The following RAPGEFL1 variants were observed in gnomAD, a reference collection of about 807,000 sequenced individuals.
The protein encoded by RAPGEFL1 is Rap guanine nucleotide exchange factor like 1, also known as rap guanine nucleotide exchange factor-like 1.
RAPGEFL1 carries 31 observed loss-of-function variants against 64.4 expected under a neutral mutation model. The ratio of observed to expected loss-of-function variants is 0.48; its 90% CI spans 0.36 to 0.65. RAPGEFL1 has a LOEUF of 0.65. RAPGEFL1 is among the 30% of genes least tolerant of loss of function. RAPGEFL1 has a pLI of 0.00. For synonymous variants in RAPGEFL1, 331 were observed against 274.1 expected, an observed-to-expected ratio of 1.21 and a Z score of -2.05; for missense variants, 682 against 677.4, an observed-to-expected ratio of 1.01 and a Z score of -0.08.
chr17:40,192,587 C>T lies in RAPGEFL1; in HGVS notation c.1657-19C>T. ...CATTGGCCAGTCTGTCCCTTGATCT[C>T]TCTCCTGTGGAATACTAGGACCCCT... On this transcript the variant is annotated intron_variant, in intron 11 of 14. Coordinates refer to ENST00000620260, the MANE Select transcript of RAPGEFL1 (RefSeq NM_016339.6). 6.3e-7 allele frequency: 1 copy of T among 1,598,804 alleles called. No individual in the cohort carries two copies. The highest frequency in any genetic ancestry group is 8.6e-7 in the Non-Finnish European group (1 of 1,167,460).
rs952077126 is a variant in RAPGEFL1, at chr17:40,193,105, C to A, written c.1809+115C>A. ...TCCTCCAAGTGCCCAGCTTGCCTAA[C>A]AGACTCTTGACTGTCTCCCTGGTGG... On this transcript the variant is annotated intron_variant, in intron 13 of 14. Coordinates refer to ENST00000620260, the MANE Select transcript of RAPGEFL1 (RefSeq NM_016339.6). 56 of 1,095,420 alleles carry A rather than the reference C, an allele frequency of 5.1e-5. No individual in the cohort carries two copies. The African/African-American group carries it at 8.4e-4, about 16-fold the overall frequency. 67.9% of individuals were successfully genotyped at this position (1,095,420 alleles called of 1,614,324 possible). A position where few individuals can be genotyped will look rare whatever the true frequency, so the allele number is the denominator to read the frequency against.
chr17:40,177,372 CGA>C, upstream of RAPGEFL1: 13 of 676,740 alleles, frequency 1.9e-5, no homozygotes, highest in South Asian at 1.9e-4. Flanking sequence ...CCCCAGCGCG[CGA>C]GTTCAAGCCT....
rs1424666640 is a variant in RAPGEFL1 at position 40,191,524 on chromosome 17, C to T, written c.1514+30C>T. The T allele has an allele frequency of 3.2e-6, 5 of 1,566,786 alleles. No individual in the cohort carries two copies. Among genetic ancestry groups the T allele is most frequent in the Non-Finnish European group, 4.3e-6 (5 of 1,159,146 alleles). ...GTGCGGCCGTCGGCGGGATGGGGGG[C>T]CGGAGGCCGGAGGCCCGCGCCGCCG... On this transcript the variant is annotated intron_variant, in intron 9 of 14. Coordinates refer to ENST00000620260, the MANE Select transcript of RAPGEFL1 (RefSeq NM_016339.6). The surrounding 1 kb of genome is among the most constrained non-coding windows in gnomAD (Gnocchi z 5.1).
rs1989744164 is a variant in RAPGEFL1, at chr17:40,177,487, G to T, written c.-375G>T. The T allele has an allele frequency of 1.6e-6, 1 of 616,104 alleles. No individual in the cohort carries two copies. Among genetic ancestry groups the T allele is most frequent in the Non-Finnish European group, 2.9e-6 (1 of 346,552 alleles). The allele number at this position is 616,104 out of a possible 1,614,324, so 38.2% of individuals were successfully genotyped here. A position where few individuals can be genotyped will look rare whatever the true frequency, so the allele number is the denominator to read the frequency against. ...TTCTGCCACCTTCCCCCTCTTCACG[G>T]CCAGGAGCGCAGCCGCCGCCGCCGC... On this transcript the variant is annotated 5_prime_UTR_variant, in exon 1 of 15. Transcript: ENST00000620260.
upstream of RAPGEFL1, chr17:40,177,099 G>A (rs772190995): frequency 5.1e-5 from 36 of 702,568 alleles, 2 homozygotes; most frequent in South Asian, 5.3e-4. Flanking sequence ...TCTCACAGAA[G>A]GAAGATAAAC....
intron 4 of RAPGEFL1, among the ~76,000 whole-genome samples, chr17:40,187,618 C>G (rs77944622): frequency 4.7e-5 from 7 of 147,870 alleles, no homozygotes; most frequent in African/African-American, 1.7e-4. Flanking sequence ...ACCATGTTTT[C>G]TTTTTTTTTT....
chr17:40,179,702 C>G (rs376633517), intron 1 of RAPGEFL1, among the ~76,000 whole-genome samples: 7 of 152,160 alleles, frequency 4.6e-5, no homozygotes, highest in African/African-American at 1.7e-4. Flanking sequence ...AGGCATTACT[C>G]TAAGCCCAGG....
chr17:40,178,534 C>A (rs181475128), intron 1 of RAPGEFL1, among the ~76,000 whole-genome samples, 153 bp downstream of exon 1: 119 of 152,304 alleles, frequency 7.8e-4, no homozygotes, highest in African/African-American at 2.7e-3. Flanking sequence ...GAGGTACAGA[C>A]CCTCCCGCGG....
Position 40,193,709 on chromosome 17 carries a change from A to G in RAPGEFL1, c.1910A>G (p.Tyr637Cys), listed in dbSNP as rs1000627615. The G allele has an allele frequency of 4.3e-6, 7 of 1,614,038 alleles. No homozygotes were observed. Among genetic ancestry groups the G allele is most frequent in the African/African-American group, 4.0e-5 (3 of 74,996 alleles). Residue 637 changes from tyrosine (Y) to cysteine (C), a missense_variant, in exon 15 of 15, where the codon TAT becomes TGT. Physicochemically the swap from Tyr to Cys is radical, Grantham distance 194. Coordinates refer to ENST00000620260, the MANE Select transcript of RAPGEFL1 (RefSeq NM_016339.6). ...ASPNHLQTKA[Y>C]VRQFQVIDNQ... is the part of the protein sequence containing the mutation. Reference sequence around the variant, plus strand: ...CCCAATCACCTGCAGACCAAGGCCTATGTGCGCCAGTTTCAGGTCATCGAC... The same window carrying G: ...CCCAATCACCTGCAGACCAAGGCCTGTGTGCGCCAGTTTCAGGTCATCGAC...
At chr17:40,183,151 TAAA>T (rs1989945215) in intron 2 of RAPGEFL1, among the ~76,000 whole-genome samples, 1 of 151,714 alleles carries the variant, frequency 6.6e-6, no homozygotes, top group African/African-American at 2.4e-5. Context: ...CCCTCTCAAA[TAAA>T]TAAATAAATA....
intron 1 of RAPGEFL1, among the ~76,000 whole-genome samples, chr17:40,179,371 T>C (rs1989826321): frequency 1.3e-5 from 2 of 150,078 alleles, no homozygotes; most frequent in African/African-American, 2.5e-5. Context: ...GGCTAATTTT[T>C]GTAGTTTTAG....
Position 40,177,755 on chromosome 17 carries a change from C to T in RAPGEFL1, c.-107C>T, listed in dbSNP as rs571122224. The T allele has an allele frequency of 5.8e-5, 24 of 410,898 alleles. No homozygotes were observed. The South Asian group carries it at 2.3e-3, about 39-fold the overall frequency. 25.5% of individuals were successfully genotyped at this position (410,898 alleles called of 1,614,324 possible). A position where few individuals can be genotyped will look rare whatever the true frequency, so the allele number is the denominator to read the frequency against. ...CCAGTCTGGCGCCTGGCACGGCCCT[C>T]TACTCTGCTCCTCCAGCTCTGAGCA... On this transcript the variant is annotated 5_prime_UTR_variant, in exon 1 of 15. Transcript: ENST00000620260.
In RAPGEFL1 at chr17:40,192,643, T is replaced by C; in HGVS notation, c.1694T>C (p.Ile565Thr). Residue 565 changes from isoleucine (I) to threonine (T), a missense_variant, in exon 12 of 15, where the codon ATC becomes ACC. By Grantham distance (89) the Ile-to-Thr change is moderately conservative (BLOSUM62 -1). Coordinates refer to ENST00000620260, the MANE Select transcript of RAPGEFL1 (RefSeq NM_016339.6). ...AACCACAAAAGCTACCGAGAAGTGA[T>C]CTCCAAAATGAAGCCCCCTGTGATT... ...CRNHKSYREV[I>T]SKMKPPVIPF... is the part of the protein sequence containing the mutation. The C allele has an allele frequency of 6.2e-7, 1 of 1,613,932 alleles. No individual in the cohort carries two copies. The highest frequency in any genetic ancestry group is 1.3e-5 in the African/African-American group (1 of 74,962).
At chr17:40,186,691 C>T (rs1481975388) in intron 4 of RAPGEFL1, among the ~76,000 whole-genome samples, 7 of 143,374 alleles carry the variant, frequency 4.9e-5, no homozygotes, top group African/African-American at 1.8e-4. Context: ...GTCAAGAGAT[C>T]GAGACCATCC....
chr17:40,189,496 A>G (rs1990188448), intron 6 of RAPGEFL1, 121 bp downstream of exon 6: 1 of 1,154,082 alleles, frequency 8.7e-7, no homozygotes, highest in Non-Finnish European at 1.2e-6. Flanking sequence ...GTCCCGGGAC[A>G]AGCCTCATGT....
Position 40,178,381 on chromosome 17 carries a change from G to T in RAPGEFL1, c.520G>T (p.Asp174Tyr). The T allele has an allele frequency of 2.0e-6, 1 of 508,290 alleles. No homozygotes were observed. Among genetic ancestry groups the T allele is most frequent in the Non-Finnish European group, 3.5e-6 (1 of 283,558 alleles). 31.5% of individuals were successfully genotyped at this position (508,290 alleles called of 1,614,324 possible). The change falls in exon 1 of 15, where the codon GAT (aspartate) becomes TAT (tyrosine). Residue 174 changes from aspartate (D) to tyrosine (Y), a missense_variant and splice_region_variant. This residue lies in a region of RAPGEFL1 where 271 missense variants were observed against 158.0 expected (regional missense o/e 1.72). Transcript: ENST00000620260. ...GGCTACCAGGGACAGCGCCGCCTCAGGTAAGGAGCCGGTGGGCTCGAACAC... is the reference window on the plus strand; with the variant it reads ...GGCTACCAGGGACAGCGCCGCCTCATGTAAGGAGCCGGTGGGCTCGAACAC... ...GGATRDSAAS[D>Y]ILLDDIVLTH... is the part of the protein sequence containing the mutation.
At chr17:40,183,150 A>C (rs552158521) in intron 2 of RAPGEFL1, among the ~76,000 whole-genome samples, 14 of 152,060 alleles carry the variant, frequency 9.2e-5, no homozygotes, top group Non-Finnish European at 1.3e-4. Flanking sequence ...TCCCTCTCAA[A>C]TAAATAAATA....
At chr17:40,192,542 C>A in intron 11 of RAPGEFL1, 64 bp from the exon 12 acceptor site, 1 of 1,372,908 alleles carries the variant, frequency 7.3e-7, no homozygotes, top group Non-Finnish European at 1.0e-6. Flanking sequence ...AGGGAGGAAG[C>A]TGAGGACATC....
At position 40,189,497 on chromosome 17, in the gene RAPGEFL1, A is replaced by G. The variant is rs1260806193; in HGVS notation, c.1114+122A>G. ...CTACTCAAAGTATGGTCCCGGGACA[A>G]GCCTCATGTGCATCGCCTGGGAACT... On this transcript the variant is annotated intron_variant, in intron 6 of 14. Transcript: ENST00000620260. 3 of 1,139,258 alleles carry G rather than the reference A, an allele frequency of 2.6e-6. No individual in the cohort carries two copies. In the East Asian group the frequency reaches 7.2e-5, roughly 27 times the overall value. 70.6% of individuals were successfully genotyped at this position (1,139,258 alleles called of 1,614,324 possible). A position where few individuals can be genotyped will look rare whatever the true frequency, so the allele number is the denominator to read the frequency against.
Sources: allele counts gnomAD v4.1 joint callset (sites outside exome capture counted in the v4.1 genomes callset), GRCh38; gene constraint gnomAD v4.1.1; regional missense constraint gnomAD v4.1.1; non-coding constraint Gnocchi (gnomAD v3.1); transcripts MANE v1.5; gene names NCBI Gene and HGNC (gene_info 2026-07-23, HGNC 2026-07-21).